Variants in FBXW7 observed in about 807,000 individuals in gnomAD.
FBXW7 encodes F-box and WD repeat domain containing 7.
Under a neutral mutation model 86.3 loss-of-function variants are expected in FBXW7, and 11 were observed. The observed-to-expected ratio is 0.13, with a 90% CI of 0.08 to 0.21. The LOEUF (loss-of-function observed/expected upper bound fraction) is 0.21. FBXW7 is among the 10% of genes least tolerant of loss of function. FBXW7 has a pLI of 1.00. For missense variants in FBXW7, 488 were observed against 847.4 expected, an observed-to-expected ratio of 0.58 and a Z score of 5.27; for synonymous variants, 313 against 297.9, an observed-to-expected ratio of 1.05 and a Z score of -0.52.
intron 2 of FBXW7, among the ~76,000 whole-genome samples, chr4:152,499,799 G>T (rs2149697973): frequency 6.6e-6 from 1 of 152,242 alleles, no homozygotes; most frequent in African/African-American, 2.4e-5. Flanking sequence ...GGTAGTTCAA[G>T]TAAGGCCTTC....
At chr4:152,407,138 T>C (rs545189383) in intron 4 of FBXW7, among the ~76,000 whole-genome samples, 4 of 152,266 alleles carry the variant, frequency 2.6e-5, no homozygotes, top group African/African-American at 9.6e-5. Context: ...ATACAGTAAG[T>C]GGTATAATCA....
At chr4:152,355,441 G>A (rs1560797770) in intron 4 of FBXW7, among the ~76,000 whole-genome samples, 1 of 151,918 alleles carries the variant, frequency 6.6e-6, no homozygotes, top group African/African-American at 2.4e-5. Flanking sequence ...CAGGAAAGAA[G>A]GTCAACCAAA....
chr4:152,418,401 T>C (rs1200634967), intron 2 of FBXW7, among the ~76,000 whole-genome samples: 1 of 152,158 alleles, frequency 6.6e-6, no homozygotes, highest in Non-Finnish European at 1.5e-5. Context: ...AAAAACATGT[T>C]ACAAAAGAAA....
intron 4 of FBXW7, among the ~76,000 whole-genome samples, chr4:152,405,327 C>T (rs981880941): frequency 4.6e-5 from 7 of 151,936 alleles, no homozygotes; most frequent in African/African-American, 7.3e-5. Context: ...GAAAGGAATT[C>T]GATTTTCTAA....
chr4:152,327,955 G>A (rs1729201246), intron 11 of FBXW7, among the ~76,000 whole-genome samples: 1 of 151,904 alleles, frequency 6.6e-6, no homozygotes, highest in Non-Finnish European at 1.5e-5. Flanking sequence ...CAACAAAAAG[G>A]ATTAGAGATT....
chr4:152,511,838 GTA>G (rs1748006573), intron 2 of FBXW7, among the ~76,000 whole-genome samples: 1 of 152,072 alleles, frequency 6.6e-6, no homozygotes, highest in Admixed American at 6.5e-5. Flanking sequence ...GTTTCTAAGT[GTA>G]TGTGTGTGTA....
At chr4:152,513,702 T>A (rs1748200169) in intron 2 of FBXW7, among the ~76,000 whole-genome samples, 1 of 152,368 alleles carries the variant, frequency 6.6e-6, no homozygotes, top group East Asian at 1.9e-4. Flanking sequence ...ACATTACTTG[T>A]ATAATGAAAA....
intron 2 of FBXW7, among the ~76,000 whole-genome samples, chr4:152,471,244 G>A (rs956537982): frequency 6.6e-6 from 1 of 151,398 alleles, no homozygotes; most frequent in Non-Finnish European, 1.5e-5. Flanking sequence ...AAATAATAAA[G>A]CTTATATAGT....
At chr4:152,524,064 T>C (rs567299121) in intron 2 of FBXW7, among the ~76,000 whole-genome samples, 3 of 152,342 alleles carry the variant, frequency 2.0e-5, no homozygotes, top group East Asian at 3.9e-4. Context: ...ATATTTCTTA[T>C]TATTGCAGCA....
intron 2 of FBXW7, among the ~76,000 whole-genome samples, chr4:152,512,433 CG>C (rs1190965145): frequency 2.0e-5 from 3 of 152,040 alleles, no homozygotes; most frequent in African/African-American, 7.3e-5. Context: ...GAATGGAGGA[CG>C]ATATTAAGAA....
At chr4:152,453,209 T>A (rs1462964934) in intron 2 of FBXW7, among the ~76,000 whole-genome samples, 1 of 152,140 alleles carries the variant, frequency 6.6e-6, no homozygotes, top group Non-Finnish European at 1.5e-5. Flanking sequence ...AACTTAATTA[T>A]TTATGCTGAG....
At chr4:152,417,911 G>C (rs1298015303) in intron 2 of FBXW7, among the ~76,000 whole-genome samples, 2 of 152,116 alleles carry the variant, frequency 1.3e-5, no homozygotes, top group Admixed American at 6.5e-5. Flanking sequence ...AAGGACAATA[G>C]GAGGGTAGTA....
intron 4 of FBXW7, among the ~76,000 whole-genome samples, chr4:152,405,186 A>G (rs1467673673): frequency 5.3e-5 from 8 of 152,058 alleles, no homozygotes; most frequent in African/African-American, 1.9e-4. Context: ...ATTAGGACTG[A>G]AAACAAATTT....
intron 4 of FBXW7, among the ~76,000 whole-genome samples, chr4:152,397,536 C>G (rs1736518118): frequency 6.6e-6 from 1 of 151,676 alleles, no homozygotes; most frequent in African/African-American, 2.4e-5. Context: ...TATTTTTATT[C>G]TTTTAACTGA....
At chr4:152,347,206 T>C in intron 5 of FBXW7, 135 bp from the exon 6 acceptor site, 1 of 759,836 alleles carries the variant, frequency 1.3e-6, no homozygotes, top group Non-Finnish European at 2.0e-6. Context: ...ATCAATTAAT[T>C]ACCTTTCTTC....
intron 4 of FBXW7, among the ~76,000 whole-genome samples, chr4:152,387,704 A>G (rs1292573999): frequency 4.3e-5 from 5 of 116,312 alleles, no homozygotes; most frequent in Non-Finnish European, 6.6e-5. Flanking sequence ...AAAACATGGC[A>G]TACCTTTTTT....
intron 2 of FBXW7, among the ~76,000 whole-genome samples, chr4:152,480,595 T>C (rs1744794348): frequency 6.6e-6 from 1 of 152,150 alleles, no homozygotes; most frequent in African/African-American, 2.4e-5. Context: ...AGGATTCTTG[T>C]GCCAGTTAAC....
chr4:152,373,971 T>C lies in FBXW7; in HGVS notation c.502-23847A>G, dbSNP rs1734241854. Among the ~76,000 whole-genome samples, 9 of 152,070 alleles carry C rather than the reference T, an allele frequency of 5.9e-5. No individual in the cohort carries two copies. In the South Asian group the frequency reaches 1.9e-3, roughly 31 times the overall value. On this transcript the variant is annotated intron_variant, in intron 4 of 13. Transcript: ENST00000281708. ...AAAGACCAAAGGATCTAAAATAGAA[T>C]GGTCTGATATGTGATAACTGACAGT...
intron 2 of FBXW7, among the ~76,000 whole-genome samples, chr4:152,472,771 T>C (rs1002330710): frequency 6.6e-6 from 1 of 152,164 alleles, no homozygotes; most frequent in African/African-American, 2.4e-5. Flanking sequence ...GTATGTAAAT[T>C]ATACAATTTT....
Sources: gnomAD v4.1 joint callset for allele counts (sites outside exome capture counted in the v4.1 genomes callset) on GRCh38, gnomAD v4.1.1 for gene constraint, MANE v1.5 for transcripts, NCBI Gene and HGNC (gene_info 2026-07-23, HGNC 2026-07-21) for gene names.